ANTXR2: variants seen among roughly 807,000 people sequenced by gnomAD.
The protein encoded by ANTXR2 is ANTXR cell adhesion molecule 2.
Under a neutral mutation model 73.7 loss-of-function variants are expected in ANTXR2, and 44 were observed. That is an observed-to-expected ratio of 0.60 (90% CI 0.47 to 0.77). The LOEUF is 0.77. Ranked by LOEUF, ANTXR2 falls within the 30% of genes least tolerant of loss-of-function variation. The probability of loss-of-function intolerance (pLI) is 0.00; values close to 1 mark genes in which losing one functional copy is unlikely to be tolerated. For missense variants in ANTXR2, 604 were observed against 592.5 expected (o/e 1.02, Z -0.20); for synonymous variants, 217 against 205.9 (o/e 1.05, Z -0.46).
chr4:79,950,293 A>G (rs1553927578), intron 16 of ANTXR2, among the ~76,000 whole-genome samples: 1 of 152,058 alleles, frequency 6.6e-6, no homozygotes, highest in Non-Finnish European at 1.5e-5. Context: ...CATTTTTCAG[A>G]TACAATGGCC....
chr4:80,042,694 T>C (rs1320000419), intron 7 of ANTXR2, among the ~76,000 whole-genome samples: 4 of 152,080 alleles, frequency 2.6e-5, no homozygotes, highest in Admixed American at 2.6e-4. Context: ...TGATGTTTGT[T>C]AAGCTATGAA....
intron 7 of ANTXR2, among the ~76,000 whole-genome samples, chr4:80,045,504 T>C (rs555934918): frequency 6.6e-6 from 1 of 151,278 alleles, no homozygotes; most frequent in Non-Finnish European, 1.5e-5. Flanking sequence ...CCTTAACAGA[T>C]AGAAACTGCC....
At chr4:79,974,479 A>G (rs1729549283) in intron 16 of ANTXR2, among the ~76,000 whole-genome samples, 1 of 152,160 alleles carries the variant, frequency 6.6e-6, no homozygotes, top group African/African-American at 2.4e-5. Flanking sequence ...ATAAAAGTCA[A>G]TTATATTTTA....
At position 79,907,390 on chromosome 4, in the gene ANTXR2, G is replaced by C; in HGVS notation, c.*39C>G. The C allele has an allele frequency of 6.3e-7, 1 of 1,597,898 alleles. No individual in the cohort carries two copies. The highest frequency in any genetic ancestry group is 8.6e-7 in the Non-Finnish European group (1 of 1,167,724). The stretch of plus-strand genomic sequence containing the variant: ...GGTTGAAAATCAGCTATGTGAAAAT[G>C]TGCCATCTTCGTACCTTCTTGGTCT... On this transcript the variant is annotated 3_prime_UTR_variant, in exon 17 of 17. Coordinates refer to ENST00000403729, the MANE Select transcript of ANTXR2 (RefSeq NM_058172.6).
At position 80,073,205 on chromosome 4, in the gene ANTXR2, C is replaced by G. The variant is rs910760000; in HGVS notation, c.-645G>C. 2.0e-5 allele frequency: 3 copies of G among 152,666 alleles called. No individual in the cohort carries two copies. The highest frequency in any genetic ancestry group is 7.2e-5 in the African/African-American group (3 of 41,462). The allele number at this position is 152,666 out of a possible 1,614,324, so 9.5% of individuals were successfully genotyped here. ...AAGCCACGCCGAGGGCAGGAGCCCG[C>G]TCGGGCCGGGTCTGGGCTGCGTGTG... On this transcript the variant is annotated 5_prime_UTR_variant, in exon 1 of 17. Coordinates refer to ENST00000403729, the MANE Select transcript of ANTXR2 (RefSeq NM_058172.6).
intron 10 of ANTXR2, among the ~76,000 whole-genome samples, chr4:80,030,615 G>T (rs1317019647): frequency 2.6e-5 from 4 of 152,190 alleles, no homozygotes; most frequent in Non-Finnish European, 4.4e-5. Context: ...ACAGAAAGCT[G>T]ATACTGCTCC....
At chr4:80,060,852 T>C (rs1734216103) in intron 3 of ANTXR2, among the ~76,000 whole-genome samples, 1 of 152,170 alleles carries the variant, frequency 6.6e-6, no homozygotes, top group African/African-American at 2.4e-5. Context: ...AAATTAGTGG[T>C]TATCAGCAAA....
At chr4:79,936,666 A>G (rs1728273505) in intron 16 of ANTXR2, among the ~76,000 whole-genome samples, 1 of 152,210 alleles carries the variant, frequency 6.6e-6, no homozygotes, top group African/African-American at 2.4e-5. Flanking sequence ...ATCCTTTATT[A>G]AACGTAAAAG....
chr4:80,028,031 T>G (rs1342814763), intron 10 of ANTXR2, among the ~76,000 whole-genome samples: 1 of 152,146 alleles, frequency 6.6e-6, no homozygotes, highest in African/African-American at 2.4e-5. Context: ...TAAAACAGTT[T>G]GTTTAATCAT....
chr4:79,994,736 C>A (rs1436279732), intron 12 of ANTXR2, among the ~76,000 whole-genome samples: 1 of 151,838 alleles, frequency 6.6e-6, no homozygotes, highest in East Asian at 1.9e-4. Context: ...CCCCATATGA[C>A]CACTGTTATC....
intron 2 of ANTXR2, among the ~76,000 whole-genome samples, chr4:80,069,920 C>T (rs533402419): frequency 6.6e-6 from 1 of 152,122 alleles, no homozygotes; most frequent in Non-Finnish European, 1.5e-5. Context: ...GACTTAATGA[C>T]CATAACTATG....
chr4:79,959,844 C>T (rs985159243), intron 16 of ANTXR2, among the ~76,000 whole-genome samples: 5 of 152,128 alleles, frequency 3.3e-5, no homozygotes, highest in African/African-American at 9.7e-5. Context: ...GAGGGAAGGT[C>T]GCATTGTCTA....
At chr4:80,069,346 G>T in intron 3 of ANTXR2, 90 bp downstream of exon 3, 1 of 1,023,748 alleles carries the variant, frequency 9.8e-7, no homozygotes, top group Non-Finnish European at 1.5e-6. Context: ...TGATTCCACT[G>T]AGAGGCCTGA....
At chr4:80,007,508 T>C (rs924890780) in intron 12 of ANTXR2, among the ~76,000 whole-genome samples, 1 of 152,154 alleles carries the variant, frequency 6.6e-6, no homozygotes, top group South Asian at 2.1e-4. Context: ...GAATATGTTA[T>C]CTTAATGGCA....
chr4:79,958,591 C>T (rs939266494), intron 16 of ANTXR2, among the ~76,000 whole-genome samples: 2 of 152,104 alleles, frequency 1.3e-5, no homozygotes, highest in Non-Finnish European at 2.9e-5. Flanking sequence ...AACGAAGGTC[C>T]TGAAACTTTG....
intron 12 of ANTXR2, among the ~76,000 whole-genome samples, chr4:80,006,977 G>A (rs1033093097): frequency 2.0e-5 from 3 of 152,042 alleles, no homozygotes; most frequent in African/African-American, 7.2e-5. Flanking sequence ...CCCTAAAATA[G>A]CCATAACTAG....
At chr4:80,002,679 T>A (rs576249872) in intron 12 of ANTXR2, among the ~76,000 whole-genome samples, 85 of 151,814 alleles carry the variant, frequency 5.6e-4, no homozygotes, top group African/African-American at 2.0e-3. Context: ...AGGGCTCATA[T>A]CCAGAATCTA....
chr4:80,031,122 G>T (rs1732669857), intron 10 of ANTXR2, among the ~76,000 whole-genome samples: 1 of 151,950 alleles, frequency 6.6e-6, no homozygotes, highest in Non-Finnish European at 1.5e-5. Context: ...GGAACACAAA[G>T]CACAAGTTAA....
At chr4:79,982,711 T>C (rs13107152) in intron 14 of ANTXR2, among the ~76,000 whole-genome samples, 11,260 of 152,218 alleles carry the variant, frequency 0.074, 483 homozygotes, top group Middle Eastern at 0.11. Context: ...TAGCAACTGT[T>C]TATAATCATG....
Sources: allele counts gnomAD v4.1 joint callset (sites outside exome capture counted in the v4.1 genomes callset), GRCh38; gene constraint gnomAD v4.1.1; transcripts MANE v1.5; gene names NCBI Gene and HGNC (gene_info 2026-07-23, HGNC 2026-07-21).